STARD9: variants seen among roughly 807,000 people sequenced by gnomAD.
STARD9 encodes the protein StAR related lipid transfer domain containing 9.
Under a neutral mutation model 399.8 loss-of-function variants are expected in STARD9, and 346 were observed. The observed-to-expected ratio is 0.87, with a 90% CI of 0.79 to 0.95. STARD9 has a LOEUF of 0.95. Ranked by LOEUF, STARD9 falls within the 40% of genes least tolerant of loss-of-function variation. STARD9 has a pLI of 0.00. For missense variants in STARD9, 5,832 were observed against 5,667.5 expected (o/e 1.03, Z -0.93); for synonymous variants, 2,203 against 2,143.5 (o/e 1.03, Z -0.77).
At chr15:42,615,850 C>T (rs1018409843) in intron 3 of STARD9, among the ~76,000 whole-genome samples, 1 of 151,992 alleles carries the variant, frequency 6.6e-6, no homozygotes, top group Non-Finnish European at 1.5e-5. Context: ...CTAATAGATA[C>T]AGTCTTTATG....
intron 22 of STARD9, among the ~76,000 whole-genome samples, chr15:42,683,773 A>G (rs1278366525): frequency 6.6e-6 from 1 of 152,226 alleles, no homozygotes; most frequent in Non-Finnish European, 1.5e-5. Context: ...ATAGTTCTGT[A>G]GAATATGTAT....
intron 7 of STARD9, among the ~76,000 whole-genome samples, chr15:42,643,762 T>G (rs1404586511): frequency 3.3e-5 from 5 of 152,170 alleles, no homozygotes; most frequent in African/African-American, 1.2e-4. Flanking sequence ...ACCTCTTTTG[T>G]AGTATATTTA....
In STARD9 at chr15:42,684,519, G is replaced by GC. The variant is rs769000763; in HGVS notation, c.2942dup (p.Asp982ArgfsTer3). Reference sequence around the variant, plus strand: ...CCAGACCAGAGGGGCGAAGGGACTAGCAGACCCTAGCCACACACAAGCTGG... The same window carrying GC: ...CCAGACCAGAGGGGCGAAGGGACTAGCCAGACCCTAGCCACACACAAGCTGG... On this transcript the variant is annotated frameshift_variant, in exon 23 of 33. Transcript: ENST00000290607. LOFTEE classifies it high-confidence loss of function. 5 of 1,537,136 alleles carry GC rather than the reference G, an allele frequency of 3.3e-6. 1 individual carries two copies. The South Asian group carries it at 5.9e-5, about 18-fold the overall frequency.
At position 42,686,897 on chromosome 15, in the gene STARD9, C is replaced by G; in HGVS notation, c.5319C>G (p.Ser1773=). ...CTTGCAGAGAAGTAAGGGTACCCTC[C>G]CCACCCCCCAGGGAAGCCTGGGGCT... ...IPACREVRVP[S]PPPREAWGFG... is the part of the protein sequence containing the mutation. The change falls in exon 23 of 33, where the codon TCC becomes TCG. Residue 1773 remains serine (S), a synonymous_variant. Coordinates refer to ENST00000290607, the MANE Select transcript of STARD9 (RefSeq NM_020759.3). 1.3e-6 allele frequency: 2 copies of G among 1,536,858 alleles called. No individual in the cohort carries two copies. Among genetic ancestry groups the G allele is most frequent in the Non-Finnish European group, 1.7e-6 (2 of 1,146,870 alleles).
chr15:42,677,914 C>T (rs1246402859), intron 20 of STARD9, among the ~76,000 whole-genome samples: 1 of 152,192 alleles, frequency 6.6e-6, no homozygotes. Flanking sequence ...TGGTGTTGTG[C>T]TCTTCTCTTG....
chr15:42,658,547 A>G (rs942976448), intron 9 of STARD9, among the ~76,000 whole-genome samples: 2 of 148,560 alleles, frequency 1.3e-5, no homozygotes, highest in East Asian at 4.0e-4. Flanking sequence ...CAGTGGCACA[A>G]TCTTGACTCA....
chr15:42,713,652 T>A (rs1451083511), intron 26 of STARD9, among the ~76,000 whole-genome samples: 1 of 152,224 alleles, frequency 6.6e-6, no homozygotes, highest in Non-Finnish European at 1.5e-5. Context: ...ACTGAGATAA[T>A]CTTACTGGGT....
intron 2 of STARD9, among the ~76,000 whole-genome samples, chr15:42,583,778 T>A (rs539580881): frequency 6.6e-6 from 1 of 152,312 alleles, no homozygotes; most frequent in South Asian, 2.1e-4. Flanking sequence ...ACTTTGTCCT[T>A]ATCTTTTCAG....
In STARD9 at chr15:42,690,871, T is replaced by G. The variant is rs1282249177; in HGVS notation, c.9293T>G (p.Leu3098Arg). ...KVAEKQASTELEAASFPAGMY... is the reference protein window; with the variant it reads ...KVAEKQASTEREAASFPAGMY... ...GCTGAGAAGCAAGCAAGCACAGAAC[T>G]TGAGGCTGCCTCTTTCCCTGCAGGC... The change falls in exon 23 of 33, where the codon CTT becomes CGT. Residue 3098 changes from leucine to arginine, a missense_variant. By Grantham distance (102) the Leu-to-Arg change is moderately radical (BLOSUM62 -2). This residue lies in a region of STARD9 where 5,828 missense variants were observed against 5,651.1 expected (regional missense o/e 1.03). Coordinates refer to ENST00000290607, the MANE Select transcript of STARD9 (RefSeq NM_020759.3). 1.4e-5 allele frequency: 22 copies of G among 1,537,064 alleles called. No individual in the cohort carries two copies. Among genetic ancestry groups the G allele is most frequent in the Non-Finnish European group, 1.7e-5 (20 of 1,146,910 alleles).
intron 26 of STARD9, among the ~76,000 whole-genome samples, chr15:42,713,888 G>A (rs917648148): frequency 3.3e-5 from 5 of 151,962 alleles, no homozygotes; most frequent in Admixed American, 6.6e-5. Context: ...GGGTAATTCT[G>A]GCCCTATAGA....
chr15:42,580,643 G>A (rs542294472), intron 1 of STARD9, among the ~76,000 whole-genome samples: 13 of 152,078 alleles, frequency 8.5e-5, no homozygotes, highest in Non-Finnish European at 1.5e-4. Context: ...GTGAAACCCC[G>A]TCTCAGCTAA....
In STARD9 at chr15:42,674,896, G is replaced by A. The variant is rs150898395; in HGVS notation, c.1619G>A (p.Arg540Gln). 7.3e-4 allele frequency: 1,126 copies of A among 1,537,046 alleles called. 3 individuals are homozygous for A. In the African/African-American group the frequency reaches 0.014, roughly 19 times the overall value. Reference protein sequence around the residue: ...ITSACGVVVLRPARGARCTVN... With the variant: ...ITSACGVVVLQPARGARCTVN... ...AGTGCCTGTGGTGTAGTTGTTCTAC[G>A]ACCTGCCCGTGGGGCCCGCTGTACA... The change falls in exon 18 of 33, where the codon CGA becomes CAA. Residue 540 changes from arginine (R) to glutamine (Q), a missense_variant. Coordinates refer to ENST00000290607, the MANE Select transcript of STARD9 (RefSeq NM_020759.3).
At chr15:42,675,425 C>G in intron 18 of STARD9, 2 of 528,924 alleles carry the variant, frequency 3.8e-6, no homozygotes, top group Non-Finnish European at 3.4e-6. Context: ...TCAAGTGTTC[C>G]CTGACTACTC....
In STARD9 at chr15:42,689,539, A is replaced by G; in HGVS notation, c.7961A>G (p.Glu2654Gly). The G allele has an allele frequency of 6.5e-7, 1 of 1,537,256 alleles. No homozygotes were observed. Among genetic ancestry groups the G allele is most frequent in the East Asian group, 2.4e-5 (1 of 40,908 alleles). ...AGCTTTGAATCTCTGCCCAATACGG[A>G]AACTGACAGAGAGCCATGGGATCCT... ...ADSFESLPNT[E>G]TDREPWDPVQ... The change falls in exon 23 of 33, where the codon GAA becomes GGA. Residue 2654 changes from glutamate to glycine, a missense_variant. Coordinates refer to ENST00000290607, the MANE Select transcript of STARD9 (RefSeq NM_020759.3).
At chr15:42,661,501 G>A (rs934851233) in intron 10 of STARD9, among the ~76,000 whole-genome samples, 13 of 152,228 alleles carry the variant, frequency 8.5e-5, no homozygotes, top group Admixed American at 8.5e-4. Flanking sequence ...CTGGAGTGCA[G>A]TAGTATGATC....
At chr15:42,665,167 C>A in intron 13 of STARD9, 86 bp from the exon 14 acceptor site, 1 of 1,075,308 alleles carries the variant, frequency 9.3e-7, no homozygotes, top group Non-Finnish European at 1.4e-6. Flanking sequence ...GAGTAATCTA[C>A]CTCTTCCCAG....
At position 42,693,116 on chromosome 15, in the gene STARD9, C is replaced by G. The variant is rs1368608818; in HGVS notation, c.11538C>G (p.Ser3846=). The change falls in exon 23 of 33, where the codon TCC becomes TCG. Residue 3846 remains serine, a synonymous_variant. Coordinates refer to ENST00000290607, the MANE Select transcript of STARD9 (RefSeq NM_020759.3). Reference sequence around the variant, plus strand: ...CTGATGCTTTCCTGCCTCCCAGCTCCCAGCCAGAGGAGTCATATTGCTTAG... The same window carrying G: ...CTGATGCTTTCCTGCCTCCCAGCTCGCAGCCAGAGGAGTCATATTGCTTAG... ...SVSDAFLPPS[S]QPEESYCLVV... is the part of the protein sequence containing the mutation. 21 of 1,537,218 alleles carry G rather than the reference C, an allele frequency of 1.4e-5. No homozygotes were observed. The highest frequency in any genetic ancestry group is 2.0e-5 in the Admixed American group (1 of 50,996).
intron 21 of STARD9, 74 bp from the exon 22 acceptor site, chr15:42,682,030 A>C: frequency 1.0e-6 from 1 of 981,110 alleles, no homozygotes. Flanking sequence ...CCATGGCTGG[A>C]GGTATCTGAG....
intron 7 of STARD9, among the ~76,000 whole-genome samples, chr15:42,648,224 G>T (rs999315936): frequency 6.6e-6 from 1 of 152,074 alleles, no homozygotes; most frequent in African/African-American, 2.4e-5. Flanking sequence ...GTGCAGTGGC[G>T]CGATCTCGGC....
Sources: allele counts gnomAD v4.1 joint callset (sites outside exome capture counted in the v4.1 genomes callset), GRCh38; gene constraint gnomAD v4.1.1; regional missense constraint gnomAD v4.1.1; transcripts MANE v1.5; gene names NCBI Gene and HGNC (gene_info 2026-07-23, HGNC 2026-07-21).